The following GSK3B variants were observed in gnomAD, a reference collection of about 807,000 sequenced individuals.
GSK3B encodes glycogen synthase kinase-3 beta.
Under a neutral mutation model 56.4 loss-of-function variants are expected in GSK3B, and 15 were observed. The observed-to-expected ratio is 0.27, with a 90% CI of 0.18 to 0.41. The LOEUF (loss-of-function observed/expected upper bound fraction) is 0.41, where lower values mean the gene tolerates loss of function less well. Among genes scored for constraint, GSK3B ranks in the 10% least tolerant of loss-of-function variants. The probability of loss-of-function intolerance (pLI) is 1.00; values close to 1 mark genes in which losing one functional copy is unlikely to be tolerated. For missense variants in GSK3B, 300 were observed against 513.4 expected (o/e 0.58, Z 4.02); for synonymous variants, 181 against 188.9 (o/e 0.96, Z 0.34).
intron 5 of GSK3B, among the ~76,000 whole-genome samples, chr3:119,914,909 T>C (rs181250694): frequency 2.2e-4 from 34 of 152,204 alleles, no homozygotes; most frequent in Admixed American, 4.6e-4. Flanking sequence ...ATGTTATCTA[T>C]AGAGCTATGG....
intron 1 of GSK3B, among the ~76,000 whole-genome samples, chr3:120,009,312 G>A (rs1345900569): frequency 6.6e-6 from 1 of 152,132 alleles, no homozygotes; most frequent in Non-Finnish European, 1.5e-5. Context: ...AATACCGTTT[G>A]ACCCAGCCAT....
At chr3:120,066,811 A>C (rs953976658) in intron 1 of GSK3B, among the ~76,000 whole-genome samples, 2 of 152,230 alleles carry the variant, frequency 1.3e-5, no homozygotes, top group African/African-American at 2.4e-5. Flanking sequence ...TAATACATAA[A>C]GGAACAAGTG....
intron 2 of GSK3B, among the ~76,000 whole-genome samples, chr3:119,974,132 T>C (rs1288031268): frequency 6.6e-6 from 1 of 152,214 alleles, no homozygotes; most frequent in East Asian, 1.9e-4. Context: ...AAATTAGAAA[T>C]GTCTGCTCTG....
intron 1 of GSK3B, among the ~76,000 whole-genome samples, chr3:120,085,795 C>T (rs1281312256): frequency 6.6e-6 from 1 of 151,176 alleles, no homozygotes; most frequent in Non-Finnish European, 1.5e-5. Flanking sequence ...GACACAGTGA[C>T]ATTCCGTCTT....
intron 9 of GSK3B, among the ~76,000 whole-genome samples, chr3:119,850,432 GGTT>G (rs1329694541): frequency 2.6e-5 from 4 of 152,086 alleles, no homozygotes; most frequent in Admixed American, 2.0e-4. Flanking sequence ...ACTTCAAAGA[GGTT>G]GTTAACTGTT....
At chr3:119,986,865 T>C (rs997837150) in intron 2 of GSK3B, among the ~76,000 whole-genome samples, 1 of 152,170 alleles carries the variant, frequency 6.6e-6, no homozygotes, top group Non-Finnish European at 1.5e-5. Flanking sequence ...ATCATGCTAC[T>C]ATAAAGACAC....
At chr3:119,922,208 GGGAAGGAA>G (rs1195120758) in intron 4 of GSK3B, among the ~76,000 whole-genome samples, 2 of 99,308 alleles carry the variant, frequency 2.0e-5, no homozygotes. Context: ...TAGGGAAGGA[GGGAAGGAA>G]GGAAGGAAGG....
chr3:120,058,866 C>T (rs1267961895), intron 1 of GSK3B, among the ~76,000 whole-genome samples: 3 of 151,810 alleles, frequency 2.0e-5, no homozygotes, highest in Non-Finnish European at 2.9e-5. Flanking sequence ...AAAAATTAGC[C>T]GGGCATGGCA....
chr3:120,000,918 CTTTTT>C (rs71156781), intron 2 of GSK3B, among the ~76,000 whole-genome samples: 1 of 91,054 alleles, frequency 1.1e-5, no homozygotes, highest in East Asian at 3.5e-4. Context: ...ATGTAATCTC[CTTTTT>C]TTTTTTTTTT....
At chr3:120,039,204 G>A (rs1057238957) in intron 1 of GSK3B, among the ~76,000 whole-genome samples, 1 of 152,182 alleles carries the variant, frequency 6.6e-6, no homozygotes, top group Non-Finnish European at 1.5e-5. Context: ...AAAAGCTGAT[G>A]AAAATGTGAG....
intron 8 of GSK3B, among the ~76,000 whole-genome samples, chr3:119,864,316 T>C (rs575211196): frequency 9.2e-5 from 14 of 152,310 alleles, no homozygotes; most frequent in African/African-American, 2.6e-4. Context: ...GAAGGCTATA[T>C]TGAAGAAAAA....
chr3:119,960,525 G>A (rs1422146076), intron 2 of GSK3B, among the ~76,000 whole-genome samples: 1 of 152,198 alleles, frequency 6.6e-6, no homozygotes, highest in Non-Finnish European at 1.5e-5. Flanking sequence ...TCCTAATTGT[G>A]ATAATGTACT....
At chr3:119,933,180 ATAAT>A (rs71836372) in intron 3 of GSK3B, among the ~76,000 whole-genome samples, 2,264 of 152,356 alleles carry the variant, frequency 0.015, 31 homozygotes, top group Non-Finnish European at 0.022. Flanking sequence ...AGCCTCACTC[ATAAT>A]TAAAGAAATG....
intron 2 of GSK3B, among the ~76,000 whole-genome samples, chr3:119,984,208 T>C (rs1179126189): frequency 6.6e-5 from 10 of 152,050 alleles, no homozygotes; most frequent in African/African-American, 2.4e-4. Context: ...TTTAAAGCAG[T>C]GTGTAGAGGG....
intron 2 of GSK3B, among the ~76,000 whole-genome samples, chr3:119,970,846 T>C (rs1003019489): frequency 3.3e-5 from 5 of 151,966 alleles, no homozygotes; most frequent in African/African-American, 4.8e-5. Flanking sequence ...AATCATCACT[T>C]ACTGTTCTGG....
chr3:119,994,237 A>G (rs370904708), intron 2 of GSK3B, among the ~76,000 whole-genome samples: 3 of 152,336 alleles, frequency 2.0e-5, no homozygotes, highest in South Asian at 2.1e-4. Flanking sequence ...ATGAGTCCAT[A>G]TGATATATAC....
At chr3:119,919,546 A>G (rs1178148228) in intron 4 of GSK3B, among the ~76,000 whole-genome samples, 2 of 151,464 alleles carry the variant, frequency 1.3e-5, no homozygotes, top group African/African-American at 4.9e-5. Context: ...AAAAAAAAAA[A>G]GAAAAATCAT....
chr3:119,967,331 C>A (rs763999320), intron 2 of GSK3B, among the ~76,000 whole-genome samples: 1 of 152,164 alleles, frequency 6.6e-6, no homozygotes, highest in African/African-American at 2.4e-5. Context: ...CCGCCTCGGC[C>A]TCCCAAGGTG....
At chr3:119,829,634 G>A (rs968592727) in intron 10 of GSK3B, among the ~76,000 whole-genome samples, 1 of 152,222 alleles carries the variant, frequency 6.6e-6, no homozygotes, top group Non-Finnish European at 1.5e-5. Context: ...TTAATGTGCA[G>A]ATGTCCTTTC....
Sources: allele counts gnomAD v4.1 joint callset (sites outside exome capture counted in the v4.1 genomes callset), GRCh38; gene constraint gnomAD v4.1.1; transcripts MANE v1.5; gene names NCBI Gene and HGNC (gene_info 2026-07-23, HGNC 2026-07-21).